The following SV2B variants were observed in gnomAD, a reference collection of about 807,000 sequenced individuals.
SV2B encodes the protein solute carrier family 22 member B2.
SV2B carries 41 observed loss-of-function variants against 73.9 expected under a neutral mutation model. The observed-to-expected ratio is 0.56, with a 90% CI of 0.43 to 0.72. SV2B has a LOEUF of 0.72. SV2B is among the 30% of genes least tolerant of loss of function. The pLI is 0.00. For missense variants in SV2B, 764 were observed against 857.8 expected, an observed-to-expected ratio of 0.89 and a Z score of 1.37; for synonymous variants, 314 against 314.2, an observed-to-expected ratio of 1.00 and a Z score of 0.01.
At chr15:91,179,367 T>C (rs1278527845) in intron 1 of SV2B, among the ~76,000 whole-genome samples, 1 of 152,156 alleles carries the variant, frequency 6.6e-6, no homozygotes, top group African/African-American at 2.4e-5. Context: ...AATATATATT[T>C]TGTTGATTTG....
chr15:91,169,171 G>C (rs1014412057), intron 1 of SV2B, among the ~76,000 whole-genome samples: 1 of 151,978 alleles, frequency 6.6e-6, no homozygotes, highest in African/African-American at 2.4e-5. Flanking sequence ...CCTCATGATC[G>C]GTTACTGCGT....
rs144405941 is a variant in SV2B, at chr15:91,136,017, A to AT, written c.-392+35664dup. Among the ~76,000 whole-genome samples, 480 of 150,202 alleles carry AT rather than the reference A, an allele frequency of 3.2e-3. No individual in the cohort carries two copies. The highest frequency in any genetic ancestry group is 5.1e-3 in the Non-Finnish European group (346 of 67,340). On this transcript the variant is annotated intron_variant, in intron 1 of 12. Transcript: ENST00000394232. The surrounding 1 kb of genome is among the most constrained non-coding windows in gnomAD (Gnocchi z 5.6). ...GCCTCTTCCCCAACACACACACTTG[A>AT]TTTTTTTTTTGGCATGTGTAGATAT...
chr15:91,163,399 A>G (rs539952847), intron 1 of SV2B, among the ~76,000 whole-genome samples: 1 of 152,138 alleles, frequency 6.6e-6, no homozygotes, highest in African/African-American at 2.4e-5. Flanking sequence ...AAGTGTTCCT[A>G]TTTCTCCACA....
chr15:91,240,850 G>A lies in SV2B; in HGVS notation c.452-10969G>A, dbSNP rs2046982912. ...GATGTTAATTAGCCCTGCAGCCTCAGATGAGTGCTCTTGGCCCCGTCACAG... is the reference window on the plus strand; with the variant it reads ...GATGTTAATTAGCCCTGCAGCCTCAAATGAGTGCTCTTGGCCCCGTCACAG... On this transcript the variant is annotated intron_variant, in intron 2 of 12. Transcript: ENST00000394232. The surrounding 1 kb of genome is among the most constrained non-coding windows in gnomAD (Gnocchi z 4.6). Among the ~76,000 whole-genome samples, 1 of 152,152 alleles carries A rather than the reference G, an allele frequency of 6.6e-6. No individual in the cohort carries two copies. Among genetic ancestry groups the A allele is most frequent in the Non-Finnish European group, 1.5e-5 (1 of 68,022 alleles).
At chr15:91,250,613 G>A (rs552911194) in intron 2 of SV2B, among the ~76,000 whole-genome samples, 3 of 152,110 alleles carry the variant, frequency 2.0e-5, no homozygotes, top group Non-Finnish European at 4.4e-5. Flanking sequence ...AACAAATTCA[G>A]TAAAGGTGTA....
In SV2B at chr15:91,121,264, A is replaced by T. The variant is rs1335751035; in HGVS notation, c.-392+20901A>T. ...TTTTTATCTAGTGCTGTGGTTCTCAATCCTGGCTGTACTTTAGAATCAAGT... is the reference window on the plus strand; with the variant it reads ...TTTTTATCTAGTGCTGTGGTTCTCATTCCTGGCTGTACTTTAGAATCAAGT... On this transcript the variant is annotated intron_variant, in intron 1 of 12. Transcript: ENST00000394232. The surrounding 1 kb of genome is among the most constrained non-coding windows in gnomAD (Gnocchi z 4.4). 6.6e-6 allele frequency among the ~76,000 whole-genome samples: 1 copy of T among 152,108 alleles called. No homozygotes were observed. The highest frequency in any genetic ancestry group is 2.4e-5 in the African/African-American group (1 of 41,422).
At chr15:91,163,607 G>A (rs1173961955) in intron 1 of SV2B, among the ~76,000 whole-genome samples, 2 of 152,092 alleles carry the variant, frequency 1.3e-5, no homozygotes, top group Non-Finnish European at 2.9e-5. Flanking sequence ...TTTTTGATGG[G>A]GTTGTTTGAT....
At chr15:91,249,642 G>C (rs1405404787) in intron 2 of SV2B, among the ~76,000 whole-genome samples, 1 of 152,108 alleles carries the variant, frequency 6.6e-6, no homozygotes, top group Non-Finnish European at 1.5e-5. Context: ...AAGGAAAAAA[G>C]AAGGCTCAAA....
rs899815515 is a variant in SV2B at position 91,121,550 on chromosome 15, C to A, written c.-392+21187C>A. 1.3e-5 allele frequency among the ~76,000 whole-genome samples: 2 copies of A among 150,794 alleles called. No individual in the cohort carries two copies. Among genetic ancestry groups the A allele is most frequent in the Non-Finnish European group, 1.5e-5 (1 of 67,698 alleles). On this transcript the variant is annotated intron_variant, in intron 1 of 12. Coordinates refer to ENST00000394232, the MANE Select transcript of SV2B (RefSeq NM_001323032.3). The surrounding 1 kb of genome is among the most constrained non-coding windows in gnomAD (Gnocchi z 4.4). ...ATTTTTTACCTTTTTATATTTTTTT[C>A]TTTTCTGTCTGAAGGTAGACTTGAC...
rs752878763 is a variant in SV2B, at chr15:91,100,984, C to A, written c.-392+621C>A. Among the ~76,000 whole-genome samples the A allele has an allele frequency of 6.6e-6, 1 of 152,226 alleles. No homozygotes were observed. Among genetic ancestry groups the A allele is most frequent in the African/African-American group, 2.4e-5 (1 of 41,452 alleles). The stretch of plus-strand genomic sequence containing the variant: ...CGTTTAGCCAGGGAGGAGCAAGGCA[C>A]CGCTGTGTCTTCGGCAGACGGGTGG... On this transcript the variant is annotated intron_variant, in intron 1 of 12. Transcript: ENST00000394232. This position sits in a 1 kb window ranked among gnomAD's most constrained non-coding sequence, Gnocchi z 6.4.
At position 91,126,494 on chromosome 15, in the gene SV2B, T is replaced by A. The variant is rs1258235828; in HGVS notation, c.-392+26131T>A. ...TGATGAGCCAGGTCTTTGGCTTGATTTAGGGTAAGAGTCAGACCCTGGACT... is the reference window on the plus strand; with the variant it reads ...TGATGAGCCAGGTCTTTGGCTTGATATAGGGTAAGAGTCAGACCCTGGACT... On this transcript the variant is annotated intron_variant, in intron 1 of 12. Transcript: ENST00000394232. Among the ~76,000 whole-genome samples the A allele has an allele frequency of 2.0e-5, 3 of 152,222 alleles. No homozygotes were observed. In the East Asian group the frequency reaches 5.8e-4, roughly 29 times the overall value.
chr15:91,114,969 T>C (rs1461893446), intron 1 of SV2B, among the ~76,000 whole-genome samples: 1 of 152,186 alleles, frequency 6.6e-6, no homozygotes, highest in African/African-American at 2.4e-5. Context: ...CAATCTAGGA[T>C]GAGAGAGCCT....
rs576049815 is a variant in SV2B, at chr15:91,105,323, G to A, written c.-392+4960G>A. Reference sequence around the variant, plus strand: ...GAAGTGTGGGTATTTTATGCAAGGTGGTCAGGGTGACATGAAGGAAGTGAA... The same window carrying A: ...GAAGTGTGGGTATTTTATGCAAGGTAGTCAGGGTGACATGAAGGAAGTGAA... On this transcript the variant is annotated intron_variant, in intron 1 of 12. Transcript: ENST00000394232. The surrounding 1 kb of genome is among the most constrained non-coding windows in gnomAD (Gnocchi z 5.5). Among the ~76,000 whole-genome samples, 1 of 152,268 alleles carries A rather than the reference G, an allele frequency of 6.6e-6. No individual in the cohort carries two copies. The highest frequency in any genetic ancestry group is 2.4e-5 in the African/African-American group (1 of 41,564).
rs2048956179 is a variant in SV2B at position 91,289,103 on chromosome 15, A to G, written c.1709-418A>G. ...TATTGCTACATTGAACAAGAAGCAC[A>G]GATCTCTTTGACATCCTGGTTTCAA... is the stretch of plus-strand genomic sequence containing the variant. On this transcript the variant is annotated intron_variant, in intron 11 of 12. Coordinates refer to ENST00000394232, the MANE Select transcript of SV2B (RefSeq NM_001323032.3). This position sits in a 1 kb window ranked among gnomAD's most constrained non-coding sequence, Gnocchi z 4.9. Among the ~76,000 whole-genome samples the G allele has an allele frequency of 2.0e-5, 3 of 152,216 alleles. No homozygotes were observed. The South Asian group carries it at 6.2e-4, about 32-fold the overall frequency.
chr15:91,131,491 C>T (rs2042647586), intron 1 of SV2B, among the ~76,000 whole-genome samples: 1 of 151,816 alleles, frequency 6.6e-6, no homozygotes, highest in Non-Finnish European at 1.5e-5. Flanking sequence ...GTTTGGCAGC[C>T]TAAGTAATGG....
rs76885383 is a variant in SV2B at position 91,253,153 on chromosome 15, T to C, written c.784+633T>C. ...ACAGAGACCTGGCAACATCAACTTT[T>C]ACTACTGGTTTCGTCAAGAGCAAAG... is the stretch of plus-strand genomic sequence containing the variant. On this transcript the variant is annotated intron_variant, in intron 4 of 12. Coordinates refer to ENST00000394232, the MANE Select transcript of SV2B (RefSeq NM_001323032.3). This position sits in a 1 kb window ranked among gnomAD's most constrained non-coding sequence, Gnocchi z 5.0. Among the ~76,000 whole-genome samples, 521 of 152,372 alleles carry C rather than the reference T, an allele frequency of 3.4e-3. 5 individuals carry two copies. The highest frequency in any genetic ancestry group is 0.012 in the African/African-American group (497 of 41,588).
At chr15:91,174,591 G>A (rs1429046335) in intron 1 of SV2B, among the ~76,000 whole-genome samples, 1 of 152,164 alleles carries the variant, frequency 6.6e-6, no homozygotes, top group African/African-American at 2.4e-5. Flanking sequence ...CATTAGGTGG[G>A]ATCCAGCATG....
intron 1 of SV2B, among the ~76,000 whole-genome samples, chr15:91,117,529 G>A (rs1450748267): frequency 6.6e-6 from 1 of 152,206 alleles, no homozygotes; most frequent in African/African-American, 2.4e-5. Context: ...TCAAGTTCAG[G>A]TCTGCTCCAG....
intron 1 of SV2B, among the ~76,000 whole-genome samples, chr15:91,218,841 A>G (rs992668927): frequency 6.6e-6 from 1 of 152,150 alleles, no homozygotes; most frequent in South Asian, 2.1e-4. Context: ...TCAGCTCTCT[A>G]TGGGTGGGCC....
Sources: gnomAD v4.1 joint callset for allele counts (sites outside exome capture counted in the v4.1 genomes callset) on GRCh38, gnomAD v4.1.1 for gene constraint, Gnocchi (gnomAD v3.1) non-coding constraint, MANE v1.5 for transcripts, NCBI Gene and HGNC (gene_info 2026-07-23, HGNC 2026-07-21) for gene names.